IGFBP4: variants seen among roughly 807,000 people sequenced by gnomAD.
The protein encoded by IGFBP4 is insulin-like growth factor-binding protein 4.
Under a neutral mutation model 25.8 loss-of-function variants are expected in IGFBP4, and 9 were observed. That is an observed-to-expected ratio of 0.35 (90% CI 0.21 to 0.61). The LOEUF (loss-of-function observed/expected upper bound fraction) is 0.61. IGFBP4 is among the 20% of genes least tolerant of loss of function. The pLI, the probability that IGFBP4 is intolerant of heterozygous loss-of-function variation, is 0.77. For missense variants in IGFBP4, 315 were observed against 365.3 expected (o/e 0.86, Z 1.12); for synonymous variants, 153 against 153.9 (o/e 0.99, Z 0.05).
chr17:40,449,593 A>C (rs2035670570), intron 1 of IGFBP4, among the ~76,000 whole-genome samples: 1 of 152,036 alleles, frequency 6.6e-6, no homozygotes, highest in African/African-American at 2.4e-5. Flanking sequence ...CTAAAAATAC[A>C]AAAAAATTAG....
chr17:40,450,418 T>G (rs905242967), intron 1 of IGFBP4, among the ~76,000 whole-genome samples: 2 of 152,236 alleles, frequency 1.3e-5, no homozygotes, highest in Non-Finnish European at 2.9e-5. Flanking sequence ...CAAGTCCAGG[T>G]GATCTCCAGC....
rs1471084047 is a variant in IGFBP4, at chr17:40,456,558, A to G, written c.752A>G (p.Gln251Arg). Residue 251 changes from glutamine (Q) to arginine (R), a missense_variant, in exon 4 of 4, where the codon CAG becomes CGG. Physicochemically the swap from Gln to Arg is conservative, Grantham distance 43 (BLOSUM62 1). Transcript: ENST00000269593. ...LEPKGELDCHQLADSFRE is the reference protein window; with the variant it reads ...LEPKGELDCHRLADSFRE ...CCAAAGGGGGAGCTGGACTGCCACCAGCTGGCTGACAGCTTTCGAGAGTGA... is the reference window on the plus strand; with the variant it reads ...CCAAAGGGGGAGCTGGACTGCCACCGGCTGGCTGACAGCTTTCGAGAGTGA... 2 of 1,613,358 alleles carry G rather than the reference A, an allele frequency of 1.2e-6. No homozygotes were observed. The highest frequency in any genetic ancestry group is 1.7e-6 in the Non-Finnish European group (2 of 1,179,872).
Position 40,454,010 on chromosome 17 carries a change from A to G in IGFBP4, c.590A>G (p.Tyr197Cys). The G allele has an allele frequency of 2.5e-6, 4 of 1,613,130 alleles. No individual in the cohort carries two copies. Among genetic ancestry groups the G allele is most frequent in the Non-Finnish European group, 3.4e-6 (4 of 1,179,690 alleles). The change falls in exon 3 of 4, where the codon TAC (tyrosine) becomes TGC (cysteine). Residue 197 changes from tyrosine to cysteine, a missense_variant. Transcript: ENST00000269593. Reference sequence around the variant, plus strand: ...CAGAGCCGCACCCACGAGGACCTCTACATCATCCCCATCCCCAACTGCGAC... The same window carrying G: ...CAGAGCCGCACCCACGAGGACCTCTGCATCATCCCCATCCCCAACTGCGAC... ...ASQSRTHEDL[Y>C]IIPIPNCDRN... is the part of the protein sequence containing the mutation.
intron 1 of IGFBP4, among the ~76,000 whole-genome samples, chr17:40,445,024 TTC>T (rs1006495977): frequency 5.5e-5 from 8 of 144,986 alleles, no homozygotes; most frequent in Admixed American, 5.5e-4. Context: ...TTCTTACACT[TTC>T]TTTTTTTGTT....
At position 40,453,179 on chromosome 17, in the gene IGFBP4, G is replaced by GGC; in HGVS notation, c.507+37_507+38insGC. ...CGATGCACAAATGTGCATGTGCATA[G>GGC]ACACACACACACACATGCCCCCTGC... On this transcript the variant is annotated intron_variant, in intron 2 of 3. Coordinates refer to ENST00000269593, the MANE Select transcript of IGFBP4 (RefSeq NM_001552.3). This position sits in a 1 kb window ranked among gnomAD's most constrained non-coding sequence, Gnocchi z 4.0. 1 of 928,718 alleles carries GGC rather than the reference G, an allele frequency of 1.1e-6. No homozygotes were observed. Among genetic ancestry groups the GGC allele is most frequent in the Non-Finnish European group, 1.5e-6 (1 of 680,966 alleles). The allele number at this position is 928,718 out of a possible 1,614,324, so 57.5% of individuals were successfully genotyped here.
In IGFBP4 at chr17:40,443,788, C is replaced by A. The variant is rs1203274697; in HGVS notation, c.53C>A (p.Pro18Gln). ...CTGCTGCTGGCCGCCGGGCCCGGGC[C>A]GAGCCTGGGCGACGAAGCCATCCAC... is the stretch of plus-strand genomic sequence containing the variant. ...AALLLAAGPG[P>Q]SLGDEAIHCP... The change falls in exon 1 of 4, where the codon CCG becomes CAG. Residue 18 changes from proline to glutamine, a missense_variant. Pro to Gln is a moderately conservative substitution (Grantham distance 76). Coordinates refer to ENST00000269593, the MANE Select transcript of IGFBP4 (RefSeq NM_001552.3). 6.6e-7 allele frequency: 1 copy of A among 1,519,422 alleles called. No homozygotes were observed. The highest frequency in any genetic ancestry group is 8.8e-7 in the Non-Finnish European group (1 of 1,141,686). The allele number at this position is 1,519,422 out of a possible 1,614,324, so 94.1% of individuals were successfully genotyped here.
chr17:40,444,924 CACAGAGACAGAGAGAGAGAGAG>C (rs754938744), intron 1 of IGFBP4, among the ~76,000 whole-genome samples: 13,338 of 95,876 alleles, frequency 0.14, 881 homozygotes, highest in Admixed American at 0.19. Flanking sequence ...CACACACACA[CACAGAGACAGAGAGAGAGAGAG>C]AGAGAGAGAG....
At position 40,456,734 on chromosome 17, in the gene IGFBP4, T is replaced by C. The variant is rs1250151148; in HGVS notation, c.*151T>C. The C allele has an allele frequency of 1.0e-5, 7 of 698,356 alleles. No homozygotes were observed. Among genetic ancestry groups the C allele is most frequent in the Admixed American group, 3.0e-5 (1 of 33,250 alleles). The allele number at this position is 698,356 out of a possible 1,614,324, so 43.3% of individuals were successfully genotyped here. On this transcript the variant is annotated 3_prime_UTR_variant, in exon 4 of 4. Transcript: ENST00000269593. ...AAATGCGCGTGTGCACGTGTGCGTG[T>C]GCGTGCGTGTGTGTGTGTTTGTGAG...
chr17:40,444,023 G>A lies in IGFBP4; in HGVS notation c.288G>A (p.Gly96=), dbSNP rs772257832. 2.0e-6 allele frequency: 3 copies of A among 1,538,378 alleles called. No individual in the cohort carries two copies. The highest frequency in any genetic ancestry group is 2.6e-6 in the Non-Finnish European group (3 of 1,147,828). ...VEKPLHTLMH[G]QGVCMELAEI... ...AGCCCCTGCACACACTGATGCACGG[G>A]CAAGGCGTGTGCATGGAGCTGGCGG... The change falls in exon 1 of 4, where the codon GGG becomes GGA. Residue 96 remains glycine, a synonymous_variant. Transcript: ENST00000269593.
chr17:40,443,743 C>T lies in IGFBP4; in HGVS notation c.8C>T (p.Pro3Leu), dbSNP rs924193450. Reference protein sequence around the residue: MLPLCLVAALLLA... With the variant: MLLLCLVAALLLA... ...CCCAGTCCTCGGGCGGTCATGCTGCCCCTCTGCCTCGTGGCCGCCCTGCTG... is the reference window on the plus strand; with the variant it reads ...CCCAGTCCTCGGGCGGTCATGCTGCTCCTCTGCCTCGTGGCCGCCCTGCTG... The change falls in exon 1 of 4, where the codon CCC becomes CTC. Residue 3 changes from proline (P) to leucine (L), a missense_variant. Physicochemically the swap from Pro to Leu is moderately conservative, Grantham distance 98. Coordinates refer to ENST00000269593, the MANE Select transcript of IGFBP4 (RefSeq NM_001552.3). 4.8e-6 allele frequency: 7 copies of T among 1,470,164 alleles called. No individual in the cohort carries two copies. The highest frequency in any genetic ancestry group is 2.9e-5 in the East Asian group (1 of 34,470). The allele number at this position is 1,470,164 out of a possible 1,614,324, so 91.1% of individuals were successfully genotyped here. A position where few individuals can be genotyped will look rare whatever the true frequency, so the allele number is the denominator to read the frequency against.
intron 1 of IGFBP4, among the ~76,000 whole-genome samples, chr17:40,451,801 GC>G (rs1333156468): frequency 6.6e-6 from 1 of 152,140 alleles, no homozygotes; most frequent in Non-Finnish European, 1.5e-5. Context: ...TGGGACTCAA[GC>G]ATGGGGTTTT....
intron 3 of IGFBP4, among the ~76,000 whole-genome samples, chr17:40,454,535 C>T (rs1043181599): frequency 7.2e-5 from 11 of 152,198 alleles, no homozygotes; most frequent in Admixed American, 2.0e-4. Flanking sequence ...CCCTGCAAGG[C>T]GAGTAGCAAA....
chr17:40,443,741 G>A lies in IGFBP4; in HGVS notation c.6G>A (p.Leu2=), dbSNP rs2035623071. Residue 2 remains leucine, a synonymous_variant, in exon 1 of 4, where the codon CTG becomes CTA. Coordinates refer to ENST00000269593, the MANE Select transcript of IGFBP4 (RefSeq NM_001552.3). ...CGCCCAGTCCTCGGGCGGTCATGCT[G>A]CCCCTCTGCCTCGTGGCCGCCCTGC... M[L]PLCLVAALLL... The A allele has an allele frequency of 1.4e-6, 2 of 1,467,774 alleles. No homozygotes were observed. The highest frequency in any genetic ancestry group is 1.8e-6 in the Non-Finnish European group (2 of 1,119,944). 90.9% of individuals were successfully genotyped at this position (1,467,774 alleles called of 1,614,324 possible). A position where few individuals can be genotyped will look rare whatever the true frequency, so the allele number is the denominator to read the frequency against.
chr17:40,453,088 C>G lies in IGFBP4; in HGVS notation c.453C>G (p.Thr151=). ...KHFAKIRDRS[T]SGGKMKVNGA... ...TCGCCAAAATTCGAGACCGGAGCAC[C>G]AGTGGGGGCAAGATGAAGGTCAATG... The change falls in exon 2 of 4, where the codon ACC becomes ACG. Residue 151 remains threonine, a synonymous_variant. Coordinates refer to ENST00000269593, the MANE Select transcript of IGFBP4 (RefSeq NM_001552.3). The surrounding 1 kb of genome is among the most constrained non-coding windows in gnomAD (Gnocchi z 4.0). 1 of 1,600,836 alleles carries G rather than the reference C, an allele frequency of 6.2e-7. No individual in the cohort carries two copies.
intron 1 of IGFBP4, among the ~76,000 whole-genome samples, chr17:40,450,780 C>T (rs972012895): frequency 6.6e-6 from 1 of 152,072 alleles, no homozygotes; most frequent in African/African-American, 2.4e-5. Context: ...CCACCTCGGC[C>T]TCTCAAAGCA....
chr17:40,453,230 A>G lies in IGFBP4; in HGVS notation c.507+88A>G. The G allele has an allele frequency of 1.0e-6, 1 of 963,868 alleles. No homozygotes were observed. 59.7% of individuals were successfully genotyped at this position (963,868 alleles called of 1,614,324 possible). A position where few individuals can be genotyped will look rare whatever the true frequency, so the allele number is the denominator to read the frequency against. On this transcript the variant is annotated intron_variant, in intron 2 of 3. Transcript: ENST00000269593. The surrounding 1 kb of genome is among the most constrained non-coding windows in gnomAD (Gnocchi z 4.0). ...CCCCCACATGCACGCACCCACACAC[A>G]CCATCACCACCAGATCTGGGGCGTG...
chr17:40,454,157 G>A, intron 3 of IGFBP4, 95 bp downstream of exon 3: 2 of 1,484,596 alleles, frequency 1.3e-6, no homozygotes, highest in South Asian at 2.7e-5. Context: ...ATCTCAGGAA[G>A]GGGAAACTCC....
intron 3 of IGFBP4, 61 bp downstream of exon 3, chr17:40,454,123 T>C (rs2143745549): frequency 1.3e-6 from 2 of 1,566,988 alleles, no homozygotes; most frequent in Middle Eastern, 1.7e-4. Flanking sequence ...TTCCGGCCTC[T>C]CCGCAGGATG....
rs1359789057 is a variant in IGFBP4 at position 40,453,489 on chromosome 17, C to G, written c.507+347C>G. 6.6e-6 allele frequency among the ~76,000 whole-genome samples: 1 copy of G among 152,122 alleles called. No individual in the cohort carries two copies. The highest frequency in any genetic ancestry group is 1.5e-5 in the Non-Finnish European group (1 of 68,004). On this transcript the variant is annotated intron_variant, in intron 2 of 3. Transcript: ENST00000269593. This position sits in a 1 kb window ranked among gnomAD's most constrained non-coding sequence, Gnocchi z 4.0. Reference sequence around the variant, plus strand: ...TTCTTGGCCTTTTTTGGATTCCCCACCCCAGACCTTCTCAGTAACCAAAGG... The same window carrying G: ...TTCTTGGCCTTTTTTGGATTCCCCAGCCCAGACCTTCTCAGTAACCAAAGG...
Sources: gnomAD v4.1 joint callset for allele counts (sites outside exome capture counted in the v4.1 genomes callset) on GRCh38, gnomAD v4.1.1 for gene constraint, Gnocchi (gnomAD v3.1) non-coding constraint, MANE v1.5 for transcripts, NCBI Gene and HGNC (gene_info 2026-07-23, HGNC 2026-07-21) for gene names.